PIK3C2G: variants seen among roughly 807,000 people sequenced by gnomAD.
PIK3C2G encodes the protein phosphatidylinositol-4-phosphate 3-kinase catalytic subunit type 2 gamma.
A neutral mutation model predicts 181.1 loss-of-function variants in PIK3C2G; 168 were observed. The observed-to-expected ratio is 0.93, with a 90% CI of 0.82 to 1.05. The LOEUF (loss-of-function observed/expected upper bound fraction) is 1.05, where lower values mean the gene tolerates loss of function less well. PIK3C2G is among the 50% of genes least tolerant of loss of function. The pLI is 0.00. For missense variants in PIK3C2G, 1,869 were observed against 1,732.8 expected (o/e 1.08, Z -1.40); for synonymous variants, 573 against 592.2 (o/e 0.97, Z 0.47).
At chr12:18,512,859 C>G (rs1942301366) in intron 24 of PIK3C2G, among the ~76,000 whole-genome samples, 2 of 151,880 alleles carry the variant, frequency 1.3e-5, no homozygotes, top group Admixed American at 1.3e-4. Flanking sequence ...AATGGGCATC[C>G]TTGTCCTGTC....
chr12:18,352,491 C>T (rs1462766625), intron 11 of PIK3C2G, among the ~76,000 whole-genome samples: 1 of 152,076 alleles, frequency 6.6e-6, no homozygotes, highest in African/African-American at 2.4e-5. Context: ...TCTGTGTAGC[C>T]CCATGGCAGT....
At chr12:18,626,316 C>T (rs756788912) in intron 31 of PIK3C2G, among the ~76,000 whole-genome samples, 1 of 151,892 alleles carries the variant, frequency 6.6e-6, no homozygotes, top group Non-Finnish European at 1.5e-5. Flanking sequence ...CTTTTCTCCT[C>T]ACACACCATT....
chr12:18,342,201 T>C (rs1413996259), intron 9 of PIK3C2G, among the ~76,000 whole-genome samples: 2 of 152,094 alleles, frequency 1.3e-5, no homozygotes, highest in South Asian at 2.1e-4. Context: ...CCCACATAGA[T>C]AGAGTGGGGA....
chr12:18,606,138 G>A (rs1440875271), intron 30 of PIK3C2G, among the ~76,000 whole-genome samples: 2 of 152,058 alleles, frequency 1.3e-5, no homozygotes, highest in East Asian at 1.9e-4. Context: ...ATGTTTTGAT[G>A]GACACTTTAG....
intron 14 of PIK3C2G, among the ~76,000 whole-genome samples, chr12:18,383,136 C>T (rs1052046375): frequency 1.3e-5 from 2 of 152,168 alleles, no homozygotes; most frequent in Non-Finnish European, 2.9e-5. Context: ...AGAGACTCAT[C>T]ACAAACCCGG....
At chr12:18,449,946 C>G (rs1450602043) in intron 18 of PIK3C2G, among the ~76,000 whole-genome samples, 1 of 152,108 alleles carries the variant, frequency 6.6e-6, no homozygotes, top group Non-Finnish European at 1.5e-5. Flanking sequence ...ACAGCATCTG[C>G]TGTTTTCTGA....
intron 26 of PIK3C2G, among the ~76,000 whole-genome samples, chr12:18,555,592 A>G (rs1944965485): frequency 6.6e-6 from 1 of 152,136 alleles, no homozygotes; most frequent in South Asian, 2.1e-4. Flanking sequence ...ATTTTTTAAG[A>G]TAGGACCTAA....
chr12:18,486,004 A>G (rs1939989741), intron 18 of PIK3C2G, among the ~76,000 whole-genome samples: 1 of 152,194 alleles, frequency 6.6e-6, no homozygotes, highest in African/African-American at 2.4e-5. Flanking sequence ...TTTGTAGTTC[A>G]GCCTTTTCCG....
At chr12:18,274,693 A>C (rs1266538466) in intron 1 of PIK3C2G, among the ~76,000 whole-genome samples, 1 of 152,238 alleles carries the variant, frequency 6.6e-6, no homozygotes, top group East Asian at 1.9e-4. Context: ...TAGGAGATAC[A>C]CCTAATGCTA....
chr12:18,412,236 T>C (rs1944904887), intron 16 of PIK3C2G, among the ~76,000 whole-genome samples: 1 of 152,156 alleles, frequency 6.6e-6, no homozygotes, highest in Non-Finnish European at 1.5e-5. Flanking sequence ...CAAGTGCTAA[T>C]TCCTTAACTT....
At chr12:18,551,975 G>A (rs1429838888) in intron 26 of PIK3C2G, among the ~76,000 whole-genome samples, 1 of 152,060 alleles carries the variant, frequency 6.6e-6, no homozygotes, top group African/African-American at 2.4e-5. Flanking sequence ...TCGTTGCCCA[G>A]CCGTATTCTT....
intron 30 of PIK3C2G, among the ~76,000 whole-genome samples, chr12:18,596,786 T>C (rs943694774): frequency 4.6e-5 from 7 of 152,084 alleles, no homozygotes; most frequent in Admixed American, 1.3e-4. Context: ...CACTAGTTAA[T>C]GGTCTAGCTA....
intron 5 of PIK3C2G, among the ~76,000 whole-genome samples, chr12:18,307,901 A>G (rs1012930127): frequency 2.6e-5 from 4 of 151,920 alleles, no homozygotes; most frequent in African/African-American, 9.7e-5. Flanking sequence ...TTCTAATACT[A>G]CAGTTTCTTT....
chr12:18,254,098 G>T (rs1948120932), intron 1 of PIK3C2G, among the ~76,000 whole-genome samples: 1 of 152,084 alleles, frequency 6.6e-6, no homozygotes, highest in Non-Finnish European at 1.5e-5. Flanking sequence ...TTTGAGAATA[G>T]AAGAATATAT....
At chr12:18,658,531 A>T in the PIK3C2G span, among the ~76,000 whole-genome samples, 3 of 152,174 alleles carry the variant, frequency 2.0e-5, no homozygotes, top group African/African-American at 7.2e-5. Context: ...TGAAATATTC[A>T]AAGAGCTAAA....
the PIK3C2G span, among the ~76,000 whole-genome samples, chr12:18,678,591 T>C: frequency 6.6e-6 from 1 of 152,068 alleles, no homozygotes; most frequent in Non-Finnish European, 1.5e-5. Flanking sequence ...TTTGAATAAA[T>C]GGAACCACAC....
intron 5 of PIK3C2G, among the ~76,000 whole-genome samples, chr12:18,306,370 T>C (rs1407254876): frequency 6.6e-6 from 1 of 152,072 alleles, no homozygotes. Flanking sequence ...AGTTTTAGGA[T>C]TGAACCTATT....
chr12:18,550,780 A>G (rs1270753027), intron 26 of PIK3C2G, among the ~76,000 whole-genome samples: 1 of 152,042 alleles, frequency 6.6e-6, no homozygotes, highest in Non-Finnish European at 1.5e-5. Context: ...CTTCTCCACT[A>G]GGCTCACAGA....
chr12:18,274,978 G>A (rs989207548), intron 1 of PIK3C2G, among the ~76,000 whole-genome samples: 1 of 152,038 alleles, frequency 6.6e-6, no homozygotes, highest in African/African-American at 2.4e-5. Context: ...CAGGCTTTGT[G>A]TTGATATATC....
Sources: gnomAD v4.1 joint callset for allele counts (sites outside exome capture counted in the v4.1 genomes callset) on GRCh38, gnomAD v4.1.1 for gene constraint, MANE v1.5 for transcripts, NCBI Gene and HGNC (gene_info 2026-07-23, HGNC 2026-07-21) for gene names.